KCNQ3: variants seen among roughly 807,000 people sequenced by gnomAD.
The protein encoded by KCNQ3 is potassium voltage-gated channel subfamily KQT member 3.
Under a neutral mutation model 92.5 loss-of-function variants are expected in KCNQ3, and 30 were observed. The observed-to-expected ratio is 0.32, with a 90% CI of 0.24 to 0.44. The LOEUF (loss-of-function observed/expected upper bound fraction) is 0.44, where lower values mean the gene tolerates loss of function less well. Ranked by LOEUF, KCNQ3 falls within the 20% of genes least tolerant of loss-of-function variation. The pLI, the probability that KCNQ3 is intolerant of heterozygous loss-of-function variation, is 1.00. For synonymous variants in KCNQ3, 450 were observed against 468.8 expected (o/e 0.96, Z 0.52); for missense variants, 913 against 1,140.3 (o/e 0.80, Z 2.87).
intron 1 of KCNQ3, among the ~76,000 whole-genome samples, chr8:132,245,491 G>C (rs1815143004): frequency 6.6e-6 from 1 of 152,114 alleles, no homozygotes; most frequent in Non-Finnish European, 1.5e-5. Context: ...CTCTAAATAT[G>C]CAAGTGTGAT....
At chr8:132,470,019 G>A (rs1822261900) in intron 1 of KCNQ3, among the ~76,000 whole-genome samples, 1 of 151,976 alleles carries the variant, frequency 6.6e-6, no homozygotes, top group African/African-American at 2.4e-5. Flanking sequence ...GCTCTCCTGA[G>A]GTTCCTCATT....
intron 1 of KCNQ3, among the ~76,000 whole-genome samples, chr8:132,357,183 C>T (rs1405314422): frequency 6.6e-6 from 1 of 152,142 alleles, no homozygotes; most frequent in African/African-American, 2.4e-5. Context: ...ATTCATTTGA[C>T]ATAAAACAAA....
intron 13 of KCNQ3, 97 bp downstream of exon 13, chr8:132,134,193 C>T: frequency 1.1e-6 from 1 of 882,046 alleles, no homozygotes; most frequent in Non-Finnish European, 1.9e-6. Context: ...AGAGTGACAA[C>T]TTCACCCACA....
intron 1 of KCNQ3, among the ~76,000 whole-genome samples, chr8:132,244,585 T>C (rs907670775): frequency 1.3e-5 from 2 of 152,226 alleles, no homozygotes; most frequent in African/African-American, 4.8e-5. Flanking sequence ...TGTTATACAG[T>C]GTCCTGTTTC....
intron 1 of KCNQ3, among the ~76,000 whole-genome samples, chr8:132,268,764 A>G (rs564252211): frequency 1.3e-5 from 2 of 152,328 alleles, no homozygotes; most frequent in Admixed American, 6.5e-5. Context: ...CAATTGCTGG[A>G]TCATATGCTA....
At chr8:132,187,106 T>C (rs1826994680) in intron 1 of KCNQ3, 1 of 448,046 alleles carries the variant, frequency 2.2e-6, no homozygotes, top group Non-Finnish European at 4.5e-6. Flanking sequence ...AGGGAATTTA[T>C]AAGCTAGGGT....
At chr8:132,391,564 C>T (rs960979684) in intron 1 of KCNQ3, among the ~76,000 whole-genome samples, 9 of 152,136 alleles carry the variant, frequency 5.9e-5, no homozygotes, top group African/African-American at 1.9e-4. Flanking sequence ...TGAGCTGAAA[C>T]AAACATCACC....
At chr8:132,371,424 G>A (rs1263231424) in intron 1 of KCNQ3, among the ~76,000 whole-genome samples, 2 of 152,140 alleles carry the variant, frequency 1.3e-5, no homozygotes, top group South Asian at 2.1e-4. Flanking sequence ...TGCCTACTGC[G>A]GTTGTCAACT....
At chr8:132,219,238 G>A (rs1349055663) in intron 1 of KCNQ3, among the ~76,000 whole-genome samples, 2 of 152,180 alleles carry the variant, frequency 1.3e-5, no homozygotes, top group Non-Finnish European at 2.9e-5. Context: ...GCAGGTCTCA[G>A]GTGGGGCCTG....
At chr8:132,260,660 T>C (rs1224008782) in intron 1 of KCNQ3, among the ~76,000 whole-genome samples, 2 of 152,106 alleles carry the variant, frequency 1.3e-5, no homozygotes, top group Non-Finnish European at 2.9e-5. Flanking sequence ...TCCAATCTAT[T>C]CCCATCCTTG....
chr8:132,187,857 G>A (rs112359919), intron 1 of KCNQ3, among the ~76,000 whole-genome samples: 36,423 of 95,272 alleles, frequency 0.38, 5,311 homozygotes, highest in Middle Eastern at 0.47. Context: ...TGGTAGTGAT[G>A]GTGGTGGTGG....
At chr8:132,237,397 C>T (rs565981075) in intron 1 of KCNQ3, among the ~76,000 whole-genome samples, 10 of 152,264 alleles carry the variant, frequency 6.6e-5, no homozygotes, top group African/African-American at 1.9e-4. Context: ...ATTTACAAGA[C>T]AGGAACTAGT....
intron 1 of KCNQ3, among the ~76,000 whole-genome samples, chr8:132,277,573 C>T (rs891241089): frequency 2.0e-5 from 3 of 152,168 alleles, no homozygotes; most frequent in Admixed American, 6.5e-5. Flanking sequence ...GATTTTTGAG[C>T]GTCTTTTCAC....
intron 4 of KCNQ3, among the ~76,000 whole-genome samples, chr8:132,176,227 T>C (rs1413265949): frequency 6.6e-6 from 1 of 152,208 alleles, no homozygotes; most frequent in Non-Finnish European, 1.5e-5. Context: ...TGTAATTTCA[T>C]GGATATTATC....
intron 1 of KCNQ3, among the ~76,000 whole-genome samples, chr8:132,453,529 G>T (rs901520456): frequency 6.6e-6 from 1 of 152,116 alleles, no homozygotes; most frequent in Non-Finnish European, 1.5e-5. Flanking sequence ...AAACCGAGGG[G>T]CCTGCACTGG....
intron 1 of KCNQ3, among the ~76,000 whole-genome samples, chr8:132,399,378 G>A (rs1362915774): frequency 6.6e-6 from 1 of 152,078 alleles, no homozygotes; most frequent in African/African-American, 2.4e-5. Flanking sequence ...TGTCCCTCAG[G>A]AAGACACTTC....
chr8:132,244,867 T>C lies in KCNQ3; in HGVS notation c.387-58686A>G, dbSNP rs368098196. On this transcript the variant is annotated intron_variant, in intron 1 of 14. Transcript: ENST00000388996. Reference sequence around the variant, plus strand: ...GAGGTAAAAGTCTTTTCATTATTTATAGAAGCACAGTTTTTATTATAAAGG... The same window carrying C: ...GAGGTAAAAGTCTTTTCATTATTTACAGAAGCACAGTTTTTATTATAAAGG... Among the ~76,000 whole-genome samples the C allele has an allele frequency of 1.4e-4, 19 of 140,262 alleles. 1 individual carries two copies. Among genetic ancestry groups the C allele is most frequent in the Admixed American group, 6.3e-4 (8 of 12,618 alleles). 92.0% of individuals were successfully genotyped at this position (140,262 alleles called of 152,430 possible).
intron 1 of KCNQ3, among the ~76,000 whole-genome samples, chr8:132,226,772 C>A (rs150180014): frequency 1.3e-5 from 2 of 152,104 alleles, no homozygotes; most frequent in Non-Finnish European, 2.9e-5. Context: ...CCTGCCAAAA[C>A]GAAATCAATG....
At chr8:132,411,913 C>T (rs1216135613) in intron 1 of KCNQ3, among the ~76,000 whole-genome samples, 5 of 152,204 alleles carry the variant, frequency 3.3e-5, no homozygotes, top group African/African-American at 1.2e-4. Context: ...CTGCTGGTGC[C>T]CCAGGCATCC....
Sources: gnomAD v4.1 joint callset for allele counts (sites outside exome capture counted in the v4.1 genomes callset) on GRCh38, gnomAD v4.1.1 for gene constraint, MANE v1.5 for transcripts, NCBI Gene and HGNC (gene_info 2026-07-23, HGNC 2026-07-21) for gene names.